Variants in KIAA0319 observed in about 807,000 individuals in gnomAD.
KIAA0319 encodes the protein dyslexia-associated protein KIAA0319.
In KIAA0319, 83 loss-of-function variants were observed where a neutral mutation model predicts 108.4. That is an observed-to-expected ratio of 0.77 (90% CI 0.64 to 0.92). The LOEUF (loss-of-function observed/expected upper bound fraction) is 0.92, where lower values mean the gene tolerates loss of function less well. Ranked by LOEUF, KIAA0319 falls within the 40% of genes least tolerant of loss-of-function variation. The pLI is 0.00. For missense variants in KIAA0319, 1,195 were observed against 1,322.4 expected (o/e 0.90, Z 1.49); for synonymous variants, 484 against 510.4 (o/e 0.95, Z 0.70).
chr6:24,616,085 A>C (rs975287842), intron 1 of KIAA0319, among the ~76,000 whole-genome samples: 9 of 152,224 alleles, frequency 5.9e-5, no homozygotes, highest in African/African-American at 2.2e-4. Flanking sequence ...ACCCTTCCAC[A>C]GAAGACATTG....
chr6:24,552,743 T>G (rs997672892), intron 19 of KIAA0319, among the ~76,000 whole-genome samples: 4 of 152,094 alleles, frequency 2.6e-5, no homozygotes, highest in Admixed American at 1.3e-4. Flanking sequence ...GTAGCTGGGA[T>G]TACAGGCATG....
chr6:24,583,543 G>C (rs1766954457), intron 5 of KIAA0319, 61 bp downstream of exon 5: 2 of 1,098,582 alleles, frequency 1.8e-6, no homozygotes, highest in Admixed American at 1.9e-5. Context: ...TAGCCTGTAA[G>C]GACCTGCTGA....
intron 7 of KIAA0319, 141 bp downstream of exon 7, chr6:24,580,785 C>T (rs12201003): frequency 0.099 from 61,738 of 625,486 alleles, 3,351 homozygotes; most frequent in South Asian, 0.14. Flanking sequence ...ATAATCTTTG[C>T]GTGTTTTCTC....
intron 8 of KIAA0319, among the ~76,000 whole-genome samples, chr6:24,579,468 T>C (rs1178960930): frequency 1.4e-5 from 2 of 146,280 alleles, no homozygotes; most frequent in Admixed American, 6.9e-5. Context: ...ATATCTCATA[T>C]ATATATCTTA....
intron 1 of KIAA0319, among the ~76,000 whole-genome samples, chr6:24,623,295 G>C (rs1373792674): frequency 1.3e-5 from 2 of 152,104 alleles, no homozygotes; most frequent in East Asian, 3.9e-4. Context: ...AGAAGGCATA[G>C]GGGAGAGTCC....
At chr6:24,607,093 T>C (rs528843018) in intron 1 of KIAA0319, among the ~76,000 whole-genome samples, 35 of 152,360 alleles carry the variant, frequency 2.3e-4, no homozygotes, top group African/African-American at 7.9e-4. Flanking sequence ...CGGTGGCTCA[T>C]GCCTGTAATC....
At chr6:24,566,788 T>G in intron 13 of KIAA0319, 40 bp from the exon 14 acceptor site, 2 of 1,553,194 alleles carry the variant, frequency 1.3e-6, no homozygotes, top group Non-Finnish European at 1.8e-6. Flanking sequence ...AGAGATTGAT[T>G]TAAAACACCA....
Position 24,547,241 on chromosome 6 carries a change from C to T in KIAA0319, c.3143G>A (p.Arg1048Lys). The T allele has an allele frequency of 6.2e-7, 1 of 1,614,148 alleles. No homozygotes were observed. Among genetic ancestry groups the T allele is most frequent in the Non-Finnish European group, 8.5e-7 (1 of 1,179,964 alleles). The change falls in exon 21 of 21, where the codon AGA (arginine) becomes AAA (lysine). Residue 1048 changes from arginine to lysine, a missense_variant. Transcript: ENST00000378214. ...DTIFSREKME[R>K]GNPKVSMNGS... ...ATTCATGGAAACCTTTGGATTCCCT[C>T]TCTCCATCTTTTCTCGGCTGAAGAT...
At chr6:24,600,557 G>T in intron 2 of KIAA0319, 1 of 884,110 alleles carries the variant, frequency 1.1e-6, no homozygotes, top group South Asian at 1.4e-5. Flanking sequence ...GTTACATTTG[G>T]ACAAACTGTA....
At chr6:24,542,854 C>T (rs973543277), downstream of KIAA0319, among the ~76,000 whole-genome samples, 2 of 152,216 alleles carry the variant, frequency 1.3e-5, no homozygotes, top group South Asian at 2.1e-4. Context: ...GCTCACCTGC[C>T]TTAACCAATC....
chr6:24,583,316 T>C (rs1243232816), intron 5 of KIAA0319: 4 of 899,288 alleles, frequency 4.4e-6, no homozygotes, highest in Middle Eastern at 4.7e-4. Context: ...CAAGAACTGG[T>C]ACGTGGCAGC....
intron 1 of KIAA0319, among the ~76,000 whole-genome samples, chr6:24,630,150 G>C (rs1335671638): frequency 6.6e-6 from 1 of 151,994 alleles, no homozygotes; most frequent in South Asian, 2.1e-4. Flanking sequence ...CTGCACTCTA[G>C]CCTGGGTGAC....
chr6:24,559,152 G>A lies in KIAA0319; in HGVS notation c.2595C>T (p.Thr865=), dbSNP rs202215711. The change falls in exon 17 of 21, where the codon ACC becomes ACT. Residue 865 remains threonine (T), a synonymous_variant. Transcript: ENST00000378214. ...TGCTCTGTACATAAAACACAATCAC[G>A]GTGCTGTGGAGGAGACAATGAGAGA... ...QKIRAHSDLS[T]VIVFYVQSRP... is the part of the protein sequence containing the mutation. 312 of 1,612,378 alleles carry A rather than the reference G, an allele frequency of 1.9e-4. No individual in the cohort carries two copies. The highest frequency in any genetic ancestry group is 3.2e-4 in the Admixed American group (19 of 59,890).
intron 1 of KIAA0319, among the ~76,000 whole-genome samples, chr6:24,612,318 G>T (rs898824651): frequency 6.6e-5 from 10 of 151,980 alleles, no homozygotes; most frequent in Non-Finnish European, 7.4e-5. Flanking sequence ...CAAGCATAGT[G>T]GCACCACCTG....
intron 12 of KIAA0319, 94 bp from the exon 13 acceptor site, chr6:24,569,023 C>A: frequency 7.9e-7 from 1 of 1,270,636 alleles, no homozygotes; most frequent in Non-Finnish European, 1.1e-6. Context: ...TGTTTTGTTC[C>A]AGCTATAATA....
downstream of KIAA0319, among the ~76,000 whole-genome samples, chr6:24,541,503 G>A (rs1173692675): frequency 5.9e-5 from 9 of 152,214 alleles, no homozygotes; most frequent in Non-Finnish European, 1.3e-4. Flanking sequence ...GACATAACAC[G>A]ATTAATTTAG....
intron 1 of KIAA0319, among the ~76,000 whole-genome samples, chr6:24,628,123 C>T (rs2127581049): frequency 6.6e-6 from 1 of 152,262 alleles, no homozygotes; most frequent in Admixed American, 6.5e-5. Context: ...TAAAAACATC[C>T]TATAATGGCA....
chr6:24,622,009 G>C (rs1408070606), intron 1 of KIAA0319, among the ~76,000 whole-genome samples: 1 of 152,200 alleles, frequency 6.6e-6, no homozygotes, highest in Non-Finnish European at 1.5e-5. Context: ...CTGGGCCTGG[G>C]AGAAAAGGAG....
At chr6:24,603,576 A>T (rs1770958708) in intron 1 of KIAA0319, among the ~76,000 whole-genome samples, 1 of 152,166 alleles carries the variant, frequency 6.6e-6, no homozygotes, top group Non-Finnish European at 1.5e-5. Flanking sequence ...ATAAAACCTT[A>T]TAGGAGGACA....
Sources: allele counts gnomAD v4.1 joint callset (sites outside exome capture counted in the v4.1 genomes callset), GRCh38; gene constraint gnomAD v4.1.1; transcripts MANE v1.5; gene names NCBI Gene and HGNC (gene_info 2026-07-23, HGNC 2026-07-21).